ANKRD45: variants seen among roughly 807,000 people sequenced by gnomAD.
ANKRD45 encodes ankyrin repeat domain-containing protein 45.
A neutral mutation model predicts 28.1 loss-of-function variants in ANKRD45; 21 were observed. The observed-to-expected ratio is 0.75, with a 90% CI of 0.53 to 1.08. The LOEUF (loss-of-function observed/expected upper bound fraction) is 1.08. Ranked by LOEUF, ANKRD45 falls within the 50% of genes least tolerant of loss-of-function variation. The pLI is 0.00. For synonymous variants in ANKRD45, 86 were observed against 103.9 expected, an observed-to-expected ratio of 0.83 and a Z score of 1.05; for missense variants, 261 against 308.7, an observed-to-expected ratio of 0.85 and a Z score of 1.16.
At chr1:173,688,646 CCTCTCTCTCTTTCTGCCTCTTTCCTCT>C in the ANKRD45 span, among the ~76,000 whole-genome samples, 1 of 138,098 alleles carries the variant, frequency 7.2e-6, no homozygotes, top group Middle Eastern at 3.4e-3. Context: ...CTGCCTCTTT[CCTCTCTCTCTTTCTGCCTCTTTCCTCT>C]CTCTCTTTCT....
At chr1:173,681,684 G>A in the ANKRD45 span, among the ~76,000 whole-genome samples, 4 of 152,096 alleles carry the variant, frequency 2.6e-5, no homozygotes, top group African/African-American at 9.7e-5. Flanking sequence ...GGAAATAAAG[G>A]TGAAAATCAA....
chr1:173,684,636 T>C, the ANKRD45 span, among the ~76,000 whole-genome samples: 1 of 152,248 alleles, frequency 6.6e-6, no homozygotes, highest in Non-Finnish European at 1.5e-5. Flanking sequence ...GCTAACTCAT[T>C]GGACAGAGAA....
At chr1:173,701,749 C>T in the ANKRD45 span, among the ~76,000 whole-genome samples, 9 of 152,112 alleles carry the variant, frequency 5.9e-5, no homozygotes, top group Non-Finnish European at 1.2e-4. Flanking sequence ...AGCAAACCAA[C>T]ATGGCACATG....
At chr1:173,679,350 T>C in the ANKRD45 span, among the ~76,000 whole-genome samples, 1 of 152,104 alleles carries the variant, frequency 6.6e-6, no homozygotes, top group Admixed American at 6.5e-5. Flanking sequence ...AGAACAGATA[T>C]ATAGACCAAT....
the ANKRD45 span, among the ~76,000 whole-genome samples, chr1:173,694,590 G>T: frequency 6.7e-6 from 1 of 150,070 alleles, no homozygotes. Flanking sequence ...TAGCTTTAGA[G>T]GTATGTGTGG....
At chr1:173,704,980 AG>A in the ANKRD45 span, among the ~76,000 whole-genome samples, 2 of 152,248 alleles carry the variant, frequency 1.3e-5, no homozygotes, top group Non-Finnish European at 2.9e-5. Flanking sequence ...TATCCCAAGT[AG>A]GGGCAACAGA....
At chr1:173,616,258 T>G (rs1055926743) in intron 5 of ANKRD45, among the ~76,000 whole-genome samples, 1 of 152,118 alleles carries the variant, frequency 6.6e-6, no homozygotes, top group Non-Finnish European at 1.5e-5. Flanking sequence ...ACATACTATA[T>G]TATTTCATTT....
chr1:173,661,169 C>T (rs1669758072), intron 1 of ANKRD45, among the ~76,000 whole-genome samples: 1 of 151,938 alleles, frequency 6.6e-6, no homozygotes, highest in African/African-American at 2.4e-5. Context: ...CAACATTGAA[C>T]ACAGATTCAA....
At chr1:173,637,658 C>T (rs1668511156) in intron 3 of ANKRD45, among the ~76,000 whole-genome samples, 1 of 152,194 alleles carries the variant, frequency 6.6e-6, no homozygotes, top group Non-Finnish European at 1.5e-5. Context: ...AAACCGGACA[C>T]AGCAGTAGGG....
the ANKRD45 span, among the ~76,000 whole-genome samples, chr1:173,694,800 T>C: frequency 5.3e-5 from 8 of 152,098 alleles, no homozygotes; most frequent in African/African-American, 1.7e-4. Context: ...CACTTACAAG[T>C]GCGAACCTGC....
intron 3 of ANKRD45, chr1:173,635,463 A>ATTTAGCTATTTTAAAATAGCTAAAT: frequency 1.7e-6 from 2 of 1,170,416 alleles, no homozygotes; most frequent in Non-Finnish European, 1.2e-6. Flanking sequence ...TATTTAGCTA[A>ATTTAGCTATTTTAAAATAGCTAAAT]TTTAGCTATT....
chr1:173,660,427 C>T (rs1049978081), intron 1 of ANKRD45, among the ~76,000 whole-genome samples: 6 of 152,182 alleles, frequency 3.9e-5, no homozygotes, highest in African/African-American at 1.4e-4. Context: ...AAATAAATTA[C>T]AATGATATGC....
intron 3 of ANKRD45, among the ~76,000 whole-genome samples, chr1:173,628,363 G>A (rs1404538992): frequency 2.0e-5 from 3 of 152,006 alleles, no homozygotes; most frequent in Non-Finnish European, 4.4e-5. Context: ...GGCTCCTGGA[G>A]AGCATTTCTG....
chr1:173,659,328 C>G lies in ANKRD45; in HGVS notation c.91G>C (p.Glu31Gln). ...AGGGGGTTCTTAGGGCCTGTTTCCT[C>G]TGGTTCTTGGGCTTCTTCTTCTTCA... ...ENEEEEAQEP[E>Q]ETGPKNPLLQ... The change falls in exon 2 of 6, where the codon GAG (glutamate) becomes CAG (glutamine). Residue 31 changes from glutamate to glutamine, a missense_variant. Coordinates refer to ENST00000333279, the MANE Select transcript of ANKRD45 (RefSeq NM_198493.3). 6 of 1,613,374 alleles carry G rather than the reference C, an allele frequency of 3.7e-6. No homozygotes were observed. The highest frequency in any genetic ancestry group is 5.1e-6 in the Non-Finnish European group (6 of 1,179,680).
At chr1:173,632,187 A>G (rs1051401768) in intron 3 of ANKRD45, among the ~76,000 whole-genome samples, 9 of 152,066 alleles carry the variant, frequency 5.9e-5, no homozygotes, top group African/African-American at 1.9e-4. Flanking sequence ...AATTCAAAAG[A>G]TCATTAGAGG....
intron 3 of ANKRD45, among the ~76,000 whole-genome samples, chr1:173,633,980 C>T (rs572191503): frequency 1.3e-5 from 2 of 151,810 alleles, no homozygotes; most frequent in African/African-American, 4.8e-5. Flanking sequence ...AAGAAAAAAT[C>T]GACAAATGGG....
the ANKRD45 span, among the ~76,000 whole-genome samples, chr1:173,708,568 G>T: frequency 6.6e-6 from 1 of 152,194 alleles, no homozygotes. Flanking sequence ...CCAGTCTAAG[G>T]TATTTTGCTA....
the ANKRD45 span, among the ~76,000 whole-genome samples, chr1:173,676,454 A>T: frequency 6.6e-6 from 1 of 152,156 alleles, no homozygotes; most frequent in East Asian, 1.9e-4. Context: ...TTAAACTTCT[A>T]TTAGTTTAGT....
At chr1:173,703,032 ATTC>A in the ANKRD45 span, among the ~76,000 whole-genome samples, 2 of 151,660 alleles carry the variant, frequency 1.3e-5, no homozygotes, top group African/African-American at 2.4e-5. Context: ...CTCTGTGTCC[ATTC>A]TTCTTATTTC....
Sources: allele counts gnomAD v4.1 joint callset (sites outside exome capture counted in the v4.1 genomes callset), GRCh38; gene constraint gnomAD v4.1.1; transcripts MANE v1.5; gene names NCBI Gene and HGNC (gene_info 2026-07-23, HGNC 2026-07-21).